The following SENP1 variants were observed in gnomAD, a reference collection of about 807,000 sequenced individuals.
SENP1 encodes the protein SUMO specific peptidase 1.
In SENP1, 21 loss-of-function variants were observed where a neutral mutation model predicts 93.0. That is an observed-to-expected ratio of 0.23 (90% CI 0.16 to 0.33). The LOEUF (loss-of-function observed/expected upper bound fraction) is 0.33, where lower values mean the gene tolerates loss of function less well. Ranked by LOEUF, SENP1 falls within the 10% of genes least tolerant of loss-of-function variation. The probability of loss-of-function intolerance (pLI) is 1.00; values close to 1 mark genes in which losing one functional copy is unlikely to be tolerated. For synonymous variants in SENP1, 256 were observed against 259.6 expected, an observed-to-expected ratio of 0.99 and a Z score of 0.13; for missense variants, 591 against 758.7, an observed-to-expected ratio of 0.78 and a Z score of 2.60.
chr12:48,045,937 G>C (rs1941330903), intron 17 of SENP1, among the ~76,000 whole-genome samples: 1 of 152,198 alleles, frequency 6.6e-6, no homozygotes, highest in African/African-American at 2.4e-5. Flanking sequence ...AGACTGACCA[G>C]ATTCATCAAG....
intron 14 of SENP1, 63 bp from the exon 15 acceptor site, chr12:48,048,143 C>T (rs1941514714): frequency 1.0e-6 from 1 of 977,788 alleles, no homozygotes; most frequent in Non-Finnish European, 1.6e-6. Context: ...ATCAGTTTTT[C>T]CCTTCCCTGC....
chr12:48,084,447 GTTTTTTTTTTT>G (rs5798059), intron 5 of SENP1, among the ~76,000 whole-genome samples: 1 of 109,450 alleles, frequency 9.1e-6, no homozygotes, highest in Non-Finnish European at 1.8e-5. Context: ...CTAATTTTGA[GTTTTTTTTTTT>G]TTTTTTTTTG....
In SENP1 at chr12:48,082,108, C is replaced by T. The variant is rs569643868; in HGVS notation, c.552+1483G>A. Among the ~76,000 whole-genome samples, 18 of 152,112 alleles carry T rather than the reference C, an allele frequency of 1.2e-4. No individual in the cohort carries two copies. The East Asian group carries it at 3.5e-3, about 29-fold the overall frequency. On this transcript the variant is annotated intron_variant, in intron 6 of 17. Transcript: ENST00000549518. Reference sequence around the variant, plus strand: ...GTTTCACTGTATTAGCCAGGATGGTCTTCATCTCCTGACCTCGTGATCCGC... The same window carrying T: ...GTTTCACTGTATTAGCCAGGATGGTTTTCATCTCCTGACCTCGTGATCCGC...
At chr12:48,093,124 T>G (rs1157951333) in intron 4 of SENP1, among the ~76,000 whole-genome samples, 1 of 152,194 alleles carries the variant, frequency 6.6e-6, no homozygotes, top group East Asian at 1.9e-4. Context: ...TAGGTAACAC[T>G]TTCAAGTATA....
At chr12:48,064,633 T>C (rs933112759) in intron 12 of SENP1, among the ~76,000 whole-genome samples, 6 of 152,224 alleles carry the variant, frequency 3.9e-5, no homozygotes, top group African/African-American at 1.4e-4. Context: ...AAGCGAAAGC[T>C]GAAATATACA....
chr12:48,067,251 G>A (rs991665372), intron 9 of SENP1, among the ~76,000 whole-genome samples: 2 of 152,198 alleles, frequency 1.3e-5, no homozygotes, highest in South Asian at 2.1e-4. Context: ...CTACTTGCAT[G>A]AGACCAACAT....
At chr12:48,084,349 T>C (rs931627420) in intron 5 of SENP1, among the ~76,000 whole-genome samples, 1 of 152,124 alleles carries the variant, frequency 6.6e-6, no homozygotes, top group African/African-American at 2.4e-5. Context: ...GAATTTTTTG[T>C]CTCTTTATAC....
intron 13 of SENP1, among the ~76,000 whole-genome samples, chr12:48,053,985 T>C (rs1942020590): frequency 1.3e-5 from 2 of 152,134 alleles, no homozygotes; most frequent in African/African-American, 4.8e-5. Context: ...TTCATCCACG[T>C]AAATTGACAG....
intron 10 of SENP1, among the ~76,000 whole-genome samples, chr12:48,066,564 T>A (rs1174553467): frequency 6.6e-6 from 1 of 151,168 alleles, no homozygotes; most frequent in Non-Finnish European, 1.5e-5. Flanking sequence ...CAGGCTGGAG[T>A]GCAGTGGCGT....
chr12:48,084,454 T>TTTTG (rs1397846237), intron 5 of SENP1, among the ~76,000 whole-genome samples: 30 of 148,592 alleles, frequency 2.0e-4, no homozygotes, highest in Middle Eastern at 3.4e-3. Context: ...TGAGTTTTTT[T>TTTTG]TTTTTTTTTT....
chr12:48,095,579 A>G (rs184864676), intron 4 of SENP1, among the ~76,000 whole-genome samples: 34 of 151,592 alleles, frequency 2.2e-4, no homozygotes, highest in Admixed American at 1.1e-3. Context: ...GGCAGTTTCA[A>G]TGGTATAACT....
At chr12:48,096,687 C>A (rs1363882127) in intron 3 of SENP1, among the ~76,000 whole-genome samples, 2 of 152,296 alleles carry the variant, frequency 1.3e-5, no homozygotes, top group South Asian at 4.1e-4. Context: ...AACTCCTGAC[C>A]TCAGGTGATC....
rs1210767892 is a variant in SENP1, at chr12:48,101,561, C to T, written c.-44-45G>A. The T allele has an allele frequency of 4.0e-6, 4 of 997,850 alleles. No individual in the cohort carries two copies. In the African/African-American group the frequency reaches 4.9e-5, roughly 12 times the overall value. The allele number at this position is 997,850 out of a possible 1,614,324, so 61.8% of individuals were successfully genotyped here. A position where few individuals can be genotyped will look rare whatever the true frequency, so the allele number is the denominator to read the frequency against. ...ACAGAAAAATTACATACTGAAACAC[C>T]TACTTCACTTAATTTTAGAAGGTGC... is the stretch of plus-strand genomic sequence containing the variant. On this transcript the variant is annotated intron_variant, in intron 1 of 17. Coordinates refer to ENST00000549518, the MANE Select transcript of SENP1 (RefSeq NM_001267594.2).
At chr12:48,084,752 T>G (rs2137152684) in intron 5 of SENP1, among the ~76,000 whole-genome samples, 1 of 152,258 alleles carries the variant, frequency 6.6e-6, no homozygotes, top group South Asian at 2.1e-4. Flanking sequence ...CCAGCCAATT[T>G]TGAGTTTTTT....
chr12:48,082,927 A>G (rs575376197), intron 6 of SENP1, among the ~76,000 whole-genome samples: 5 of 152,152 alleles, frequency 3.3e-5, no homozygotes, highest in African/African-American at 1.2e-4. Context: ...TTTTTTTGAG[A>G]TGGGTCTCAC....
chr12:48,105,784 G>A (rs772884525), intron 1 of SENP1: 4 of 581,424 alleles, frequency 6.9e-6, no homozygotes, highest in Admixed American at 3.0e-5. Context: ...CGGCCCAGGA[G>A]AGAGAGACCA....
intron 13 of SENP1, among the ~76,000 whole-genome samples, chr12:48,057,289 G>T (rs1942611814): frequency 6.8e-6 from 1 of 146,846 alleles, no homozygotes; most frequent in Admixed American, 7.0e-5. Context: ...GAGTGCAGTG[G>T]TGTGATCTTG....
chr12:48,097,787 CAAAG>C (rs1241799735), intron 3 of SENP1: 1 of 439,296 alleles, frequency 2.3e-6, no homozygotes, highest in Non-Finnish European at 4.1e-6. Context: ...GTACTGTTCT[CAAAG>C]AACTCATACA....
chr12:48,055,911 TTA>T (rs1377935885), intron 13 of SENP1, among the ~76,000 whole-genome samples: 17 of 139,194 alleles, frequency 1.2e-4, no homozygotes, highest in African/African-American at 4.2e-4. Flanking sequence ...ATTAATATAT[TTA>T]TATATTATAC....
Sources: allele counts gnomAD v4.1 joint callset (sites outside exome capture counted in the v4.1 genomes callset), GRCh38; gene constraint gnomAD v4.1.1; transcripts MANE v1.5; gene names NCBI Gene and HGNC (gene_info 2026-07-23, HGNC 2026-07-21).